Variants in GJC1 observed in about 807,000 individuals in gnomAD.
GJC1 encodes gap junction protein gamma 1.
GJC1 carries 5 observed loss-of-function variants against 29.3 expected under a neutral mutation model. That is an observed-to-expected ratio of 0.17 (90% CI 0.09 to 0.36). GJC1 has a LOEUF of 0.36. Ranked by LOEUF, GJC1 falls within the 10% of genes least tolerant of loss-of-function variation. The pLI is 1.00. For missense variants in GJC1, 310 were observed against 496.2 expected (o/e 0.62, Z 3.56); for synonymous variants, 177 against 183.3 (o/e 0.97, Z 0.28).
chr17:44,807,518 A>G (rs1268769328), intron 1 of GJC1, 49 bp from the exon 2 acceptor site: 3 of 152,216 alleles, frequency 2.0e-5, no homozygotes, highest in Admixed American at 6.5e-5. Context: ...TCCCACAGAA[A>G]ACAATGAATC....
intron 1 of GJC1, among the ~76,000 whole-genome samples, chr17:44,824,672 T>A (rs2050149444): frequency 6.6e-6 from 1 of 151,824 alleles, no homozygotes; most frequent in Non-Finnish European, 1.5e-5. Context: ...TAGCCAGGCG[T>A]GGCAGCATGC....
rs183324167 is a variant in GJC1, at chr17:44,817,915, A to C, written c.-96-10446T>G. 2.6e-3 allele frequency among the ~76,000 whole-genome samples: 393 copies of C among 151,806 alleles called. 9 individuals carry two copies. Among genetic ancestry groups the C allele is most frequent in the Admixed American group, 0.024 (361 of 15,216 alleles). On this transcript the variant is annotated intron_variant, in intron 1 of 2. Transcript: ENST00000592524. ...TCCCAATCTTCAGGATCAGAACAAC[A>C]AAAGAAAAAGCACAAGGCCAGGCGC...
intron 2 of GJC1, among the ~76,000 whole-genome samples, chr17:44,806,233 C>T (rs2049911366): frequency 6.6e-6 from 1 of 152,078 alleles, no homozygotes; most frequent in Non-Finnish European, 1.5e-5. Flanking sequence ...GAATAAACAG[C>T]ATCTCACTCT....
At chr17:44,796,244 C>A (rs1273692438), downstream of GJC1, among the ~76,000 whole-genome samples, 1 of 152,200 alleles carries the variant, frequency 6.6e-6, no homozygotes, top group Non-Finnish European at 1.5e-5. Context: ...CTTCCCTTCC[C>A]CCCTTCCATA....
intron 1 of GJC1, among the ~76,000 whole-genome samples, chr17:44,808,045 C>T (rs1359229899): frequency 6.6e-6 from 1 of 152,142 alleles, no homozygotes; most frequent in African/African-American, 2.4e-5. Context: ...AACAGCAAAA[C>T]AGAAAAGTTT....
intron 1 of GJC1, among the ~76,000 whole-genome samples, chr17:44,819,318 C>A (rs1676949693): frequency 6.6e-6 from 1 of 152,104 alleles, no homozygotes; most frequent in African/African-American, 2.4e-5. Flanking sequence ...TTATTTCACT[C>A]AGCATAATGT....
At chr17:44,831,179 C>T (rs1472677784), upstream of GJC1, among the ~76,000 whole-genome samples, 1 of 152,170 alleles carries the variant, frequency 6.6e-6, no homozygotes, top group Non-Finnish European at 1.5e-5. Context: ...CCACCCAAAG[C>T]CAAGCCCTAA....
chr17:44,817,128 C>A (rs963217850), intron 1 of GJC1, among the ~76,000 whole-genome samples: 1 of 151,566 alleles, frequency 6.6e-6, no homozygotes, highest in Non-Finnish European at 1.5e-5. Flanking sequence ...ATTGCTTGAA[C>A]CCAGGAGGCG....
chr17:44,828,852 G>T (rs2050201697), intron 1 of GJC1, among the ~76,000 whole-genome samples: 1 of 151,888 alleles, frequency 6.6e-6, no homozygotes, highest in Non-Finnish European at 1.5e-5. Context: ...TCTAGGGAGA[G>T]AAATATTTTA....
rs566672327 is a variant in GJC1, at chr17:44,798,764, T to A, written c.*5863A>T. ...AACACTTAGTGCCTGAGGTAGAGATTTCTGTAAGAGATTTTTTTAAAACAC... is the reference window on the plus strand; with the variant it reads ...AACACTTAGTGCCTGAGGTAGAGATATCTGTAAGAGATTTTTTTAAAACAC... On this transcript the variant is annotated 3_prime_UTR_variant, in exon 3 of 3. Transcript: ENST00000592524. The A allele has an allele frequency of 1.3e-5, 2 of 152,362 alleles. No homozygotes were observed. The highest frequency in any genetic ancestry group is 4.1e-4 in the South Asian group (2 of 4,830). The allele number at this position is 152,362 out of a possible 1,614,324, so 9.4% of individuals were successfully genotyped here. A position where few individuals can be genotyped will look rare whatever the true frequency, so the allele number is the denominator to read the frequency against.
intron 1 of GJC1, among the ~76,000 whole-genome samples, chr17:44,820,920 C>G (rs1471143490): frequency 1.3e-5 from 2 of 152,160 alleles, no homozygotes; most frequent in Non-Finnish European, 2.9e-5. Flanking sequence ...ACATAGTAAT[C>G]TATGTGCTAC....
At chr17:44,822,248 C>T (rs1159699826) in intron 1 of GJC1, among the ~76,000 whole-genome samples, 1 of 147,602 alleles carries the variant, frequency 6.8e-6, no homozygotes, top group African/African-American at 2.5e-5. Flanking sequence ...TATGGTATAA[C>T]CTCCATAATG....
In GJC1 at chr17:44,805,974, T is replaced by G. The variant is rs1349271954; in HGVS notation, c.-20-137A>C. The G allele has an allele frequency of 8.5e-6, 5 of 586,674 alleles. No individual in the cohort carries two copies. Among genetic ancestry groups the G allele is most frequent in the Non-Finnish European group, 1.5e-5 (5 of 337,940 alleles). The allele number at this position is 586,674 out of a possible 1,614,324, so 36.3% of individuals were successfully genotyped here. A position where few individuals can be genotyped will look rare whatever the true frequency, so the allele number is the denominator to read the frequency against. ...TCAAGGTTCACAGTGGAACAAATGT[T>G]AGAATAAACAGCATCTCAGTTGGGT... On this transcript the variant is annotated intron_variant, in intron 2 of 2. Transcript: ENST00000592524. The surrounding 1 kb of genome is among the most constrained non-coding windows in gnomAD (Gnocchi z 5.1).
rs763380776 is a variant in GJC1 at position 44,805,498 on chromosome 17, G to A, written c.320C>T (p.Ala107Val). 1.2e-6 allele frequency: 2 copies of A among 1,614,156 alleles called. No homozygotes were observed. The highest frequency in any genetic ancestry group is 2.2e-5 in the South Asian group (2 of 91,082). The change falls in exon 3 of 3, where the codon GCA (alanine) becomes GTA (valine). Residue 107 changes from alanine to valine, a missense_variant. Transcript: ENST00000592524. The surrounding 1 kb of genome is among the most constrained non-coding windows in gnomAD (Gnocchi z 5.1). ...CTTGCTCCGAGCTGCCTTCTTGTCT[G>A]CTTCACCGTGCTCCATTTTGGCAAT... Reference protein sequence around the residue: ...HKIAKMEHGEADKKAARSKPY... With the variant: ...HKIAKMEHGEVDKKAARSKPY...
rs547448127 is a variant in GJC1 at position 44,822,060 on chromosome 17, G to A, written c.-97+8002C>T. Among the ~76,000 whole-genome samples the A allele has an allele frequency of 2.0e-5, 3 of 151,784 alleles. No individual in the cohort carries two copies. The East Asian group carries it at 5.9e-4, about 30-fold the overall frequency. ...AAAATACAAAAAATTAGCCGGGCATGGTGGCGGGCGCCTGTAGTCCCAGCT... is the reference window on the plus strand; with the variant it reads ...AAAATACAAAAAATTAGCCGGGCATAGTGGCGGGCGCCTGTAGTCCCAGCT... On this transcript the variant is annotated intron_variant, in intron 1 of 2. Coordinates refer to ENST00000592524, the MANE Select transcript of GJC1 (RefSeq NM_005497.4).
chr17:44,804,852 C>T lies in GJC1; in HGVS notation c.966G>A (p.Gln322=). 2 of 1,614,200 alleles carry T rather than the reference C, an allele frequency of 1.2e-6. No homozygotes were observed. The highest frequency in any genetic ancestry group is 1.7e-6 in the Non-Finnish European group (2 of 1,180,030). ...GGTTCTCCTCATGGCTGCCATACTG[C>T]TGTTCCTGGGCTGTGTTGGCCTTGT... is the stretch of plus-strand genomic sequence containing the variant. ...KQNKANTAQE[Q]QYGSHEENLP... The change falls in exon 3 of 3, where the codon CAG becomes CAA. Residue 322 remains glutamine, a synonymous_variant. Transcript: ENST00000592524.
At chr17:44,795,822 C>G (rs574293484), downstream of GJC1, among the ~76,000 whole-genome samples, 6 of 152,376 alleles carry the variant, frequency 3.9e-5, no homozygotes, top group South Asian at 1.2e-3. Flanking sequence ...ACCTCTGCCT[C>G]ATTGCAAGGA....
chr17:44,797,668 T>C (rs1167432929), downstream of GJC1: 2 of 152,200 alleles, frequency 1.3e-5, no homozygotes, highest in East Asian at 1.9e-4. Context: ...AAAAGTATCA[T>C]ATAAGCCCTT....
chr17:44,817,883 ACCCT>A (rs2050061610), intron 1 of GJC1, among the ~76,000 whole-genome samples: 1 of 151,944 alleles, frequency 6.6e-6, no homozygotes, highest in African/African-American at 2.4e-5. Flanking sequence ...GTTCTATGTG[ACCCT>A]AATCCCAATC....
Sources: allele counts gnomAD v4.1 joint callset (sites outside exome capture counted in the v4.1 genomes callset), GRCh38; gene constraint gnomAD v4.1.1; non-coding constraint Gnocchi (gnomAD v3.1); transcripts MANE v1.5; gene names NCBI Gene and HGNC (gene_info 2026-07-23, HGNC 2026-07-21).